Variants in ILRUN observed in about 807,000 individuals in gnomAD.
ILRUN encodes protein ILRUN.
In ILRUN, 3 loss-of-function variants were observed where a neutral mutation model predicts 33.8. The ratio of observed to expected loss-of-function variants is 0.09; its 90% CI spans 0.04 to 0.23. The LOEUF is 0.23. ILRUN is among the 10% of genes least tolerant of loss of function. ILRUN has a pLI of 1.00. For missense variants in ILRUN, 210 were observed against 375.1 expected (o/e 0.56, Z 3.64); for synonymous variants, 124 against 138.9 (o/e 0.89, Z 0.75).
intron 1 of ILRUN, among the ~76,000 whole-genome samples, chr6:34,684,765 G>T (rs1763479437): frequency 6.6e-6 from 1 of 152,176 alleles, no homozygotes; most frequent in African/African-American, 2.4e-5. Context: ...TTAAAATTGG[G>T]AGAGCAAAAG....
chr6:34,593,171 C>G (rs1434073968), intron 4 of ILRUN, among the ~76,000 whole-genome samples: 1 of 151,986 alleles, frequency 6.6e-6, no homozygotes, highest in African/African-American at 2.4e-5. Context: ...AGAGTAAGAC[C>G]TTCTCTCTTA....
At chr6:34,634,939 T>C (rs1762326688) in intron 3 of ILRUN, among the ~76,000 whole-genome samples, 2 of 152,176 alleles carry the variant, frequency 1.3e-5, no homozygotes, top group African/African-American at 4.8e-5. Flanking sequence ...AAAGAGCTGG[T>C]GGCCACCAGC....
chr6:34,595,967 G>T (rs1761391488), intron 4 of ILRUN: 1 of 962,860 alleles, frequency 1.0e-6, no homozygotes, highest in Non-Finnish European at 1.2e-6. Flanking sequence ...AAACACAGAA[G>T]AATACAGGGT....
At chr6:34,631,317 T>A (rs1442676632) in intron 3 of ILRUN, among the ~76,000 whole-genome samples, 1 of 150,262 alleles carries the variant, frequency 6.7e-6, no homozygotes, top group Non-Finnish European at 1.5e-5. Context: ...TGTTTCTCAG[T>A]CCCCCATTCC....
chr6:34,665,768 A>C (rs1762982960), intron 1 of ILRUN, among the ~76,000 whole-genome samples: 1 of 152,132 alleles, frequency 6.6e-6, no homozygotes, highest in South Asian at 2.1e-4. Flanking sequence ...AAAAAACAAA[A>C]TTATGAACCA....
chr6:34,679,234 C>T (rs1188126101), intron 1 of ILRUN, among the ~76,000 whole-genome samples: 4 of 151,018 alleles, frequency 2.6e-5, no homozygotes, highest in Non-Finnish European at 5.9e-5. Flanking sequence ...ATATATTATG[C>T]GCTACATTGA....
chr6:34,605,637 TAAA>T (rs1405489193), intron 4 of ILRUN, among the ~76,000 whole-genome samples: 1 of 152,032 alleles, frequency 6.6e-6, no homozygotes, highest in African/African-American at 2.4e-5. Flanking sequence ...TTGGAACAAA[TAAA>T]AAGTAAAAAT....
intron 1 of ILRUN, among the ~76,000 whole-genome samples, chr6:34,691,809 A>G (rs1009819727): frequency 7.9e-5 from 12 of 151,988 alleles, no homozygotes; most frequent in African/African-American, 2.9e-4. Flanking sequence ...AAAAAAAAGA[A>G]GTATCTACAC....
At chr6:34,691,418 C>T (rs1763647151) in intron 1 of ILRUN, among the ~76,000 whole-genome samples, 1 of 152,180 alleles carries the variant, frequency 6.6e-6, no homozygotes, top group Admixed American at 6.5e-5. Flanking sequence ...CAGACAGTTC[C>T]ATCAATCTCC....
At chr6:34,660,569 G>A (rs1762868043) in intron 1 of ILRUN, among the ~76,000 whole-genome samples, 1 of 151,920 alleles carries the variant, frequency 6.6e-6, no homozygotes, top group Non-Finnish European at 1.5e-5. Flanking sequence ...GAACCACAAG[G>A]GGTTTTCCTC....
chr6:34,601,709 C>T (rs79139175), intron 4 of ILRUN, among the ~76,000 whole-genome samples: 2 of 151,752 alleles, frequency 1.3e-5, no homozygotes, highest in Non-Finnish European at 2.9e-5. Context: ...GTACCCGCCC[C>T]CCCAACTACT....
chr6:34,633,887 G>C, intron 3 of ILRUN, among the ~76,000 whole-genome samples: 1 of 36,042 alleles, frequency 2.8e-5, no homozygotes, highest in Non-Finnish European at 4.9e-5. Flanking sequence ...GAGAGAGGGA[G>C]GGAGGGAGGG....
chr6:34,616,986 G>C (rs970062112), intron 3 of ILRUN: 7 of 548,384 alleles, frequency 1.3e-5, no homozygotes, highest in Non-Finnish European at 1.8e-5. Flanking sequence ...TACAAGCATG[G>C]TTATGGCAAA....
chr6:34,656,576 C>G (rs558660024), intron 1 of ILRUN, among the ~76,000 whole-genome samples: 1 of 152,340 alleles, frequency 6.6e-6, no homozygotes, highest in South Asian at 2.1e-4. Flanking sequence ...CTGCATGTTT[C>G]TAAACATAAT....
intron 1 of ILRUN, among the ~76,000 whole-genome samples, chr6:34,668,078 G>C (rs144841109): frequency 4.2e-4 from 64 of 152,214 alleles, no homozygotes; most frequent in African/African-American, 1.3e-3. Flanking sequence ...AGGGCTTAAA[G>C]GTGAAATCTC....
At chr6:34,689,648 G>A (rs1763606147) in intron 1 of ILRUN, among the ~76,000 whole-genome samples, 1 of 151,906 alleles carries the variant, frequency 6.6e-6, no homozygotes, top group African/African-American at 2.4e-5. Flanking sequence ...AACTCATTTA[G>A]CACGGGTGAC....
intron 3 of ILRUN, among the ~76,000 whole-genome samples, chr6:34,638,398 T>C (rs1175602621): frequency 1.3e-5 from 2 of 152,182 alleles, no homozygotes; most frequent in Non-Finnish European, 2.9e-5. Context: ...AGTCACAGCT[T>C]AGGCTAGAAT....
chr6:34,608,392 T>C (rs1761677426), intron 3 of ILRUN, among the ~76,000 whole-genome samples: 1 of 150,422 alleles, frequency 6.6e-6, no homozygotes, highest in African/African-American at 2.4e-5. Context: ...CAAAAAAAAA[T>C]TAAAAAATTA....
intron 1 of ILRUN, among the ~76,000 whole-genome samples, chr6:34,677,876 G>A (rs963009436): frequency 4.0e-5 from 6 of 150,136 alleles, no homozygotes; most frequent in Middle Eastern, 3.2e-3. Flanking sequence ...TTAAGCCCAG[G>A]AGGTCGAGGC....
Sources: allele counts gnomAD v4.1 joint callset (sites outside exome capture counted in the v4.1 genomes callset), GRCh38; gene constraint gnomAD v4.1.1; transcripts MANE v1.5; gene names NCBI Gene and HGNC (gene_info 2026-07-23, HGNC 2026-07-21).